OPRPN: variants seen among roughly 807,000 people sequenced by gnomAD.
OPRPN encodes the protein opiorphin prepropeptide, also known as basic proline-rich lacrimal protein.
A neutral mutation model predicts 2.2 loss-of-function variants in OPRPN; 1 was observed. The ratio of observed to expected loss-of-function variants is 0.45; its 90% confidence interval spans 0.16 to 2.15. OPRPN has a LOEUF of 2.15. Ranked by LOEUF, OPRPN falls within the 30% of genes most tolerant of loss-of-function variation. OPRPN has a pLI of 0.28. For missense variants in OPRPN, 306 were observed against 297.3 expected, an observed-to-expected ratio of 1.03 and a Z score of -0.21; for synonymous variants, 126 against 111.5, an observed-to-expected ratio of 1.13 and a Z score of -0.82.
At position 70,406,730 on chromosome 4, in the gene OPRPN, T is replaced by C. The variant is rs187533961; in HGVS notation, c.52-2650T>C. On this transcript the variant is annotated intron_variant, in intron 2 of 2. Transcript: ENST00000399575. Reference sequence around the variant, plus strand: ...GTGAGGATAAAGAAGTGGCAAAAGATGAGATTGGATGGCGGTATAGGCTTT... The same window carrying C: ...GTGAGGATAAAGAAGTGGCAAAAGACGAGATTGGATGGCGGTATAGGCTTT... Among the ~76,000 whole-genome samples, 86 of 152,162 alleles carry C rather than the reference T, an allele frequency of 5.7e-4. 1 individual carries two copies. The highest frequency in any genetic ancestry group is 1.9e-3 in the African/African-American group (80 of 41,546).
At chr4:70,409,283 A>G in intron 2 of OPRPN, 97 bp from the exon 3 acceptor site, 1 of 892,094 alleles carries the variant, frequency 1.1e-6, no homozygotes, top group Non-Finnish European at 1.7e-6. Flanking sequence ...TAATGTTTAC[A>G]TAGTAGATAT....
At chr4:70,398,337 T>C (rs1446150324) in intron 1 of OPRPN, among the ~76,000 whole-genome samples, 2 of 151,922 alleles carry the variant, frequency 1.3e-5, no homozygotes, top group Non-Finnish European at 2.9e-5. Context: ...AGTAGAAGAG[T>C]CTTAAAAAGG....
intron 2 of OPRPN, among the ~76,000 whole-genome samples, chr4:70,400,498 C>A (rs1377174924): frequency 6.6e-6 from 1 of 151,850 alleles, no homozygotes; most frequent in Non-Finnish European, 1.5e-5. Flanking sequence ...ATCAGAAACA[C>A]CTGATCCACT....
intron 1 of OPRPN, 45 bp from the exon 2 acceptor site, chr4:70,399,226 T>C: frequency 7.0e-7 from 1 of 1,420,490 alleles, no homozygotes; most frequent in Non-Finnish European, 9.7e-7. Flanking sequence ...AAAAACACTG[T>C]TGATCGATTT....
intron 2 of OPRPN, among the ~76,000 whole-genome samples, chr4:70,405,140 T>C (rs1335600484): frequency 6.6e-6 from 1 of 152,216 alleles, no homozygotes; most frequent in Non-Finnish European, 1.5e-5. Flanking sequence ...GCCAATTCTC[T>C]ATTCTGTTTC....
At chr4:70,406,880 G>A (rs1440812170) in intron 2 of OPRPN, among the ~76,000 whole-genome samples, 1 of 151,930 alleles carries the variant, frequency 6.6e-6, no homozygotes, top group Non-Finnish European at 1.5e-5. Context: ...TTTCCTTAAA[G>A]GAAGGAAACA....
chr4:70,402,825 C>G (rs941158806), intron 2 of OPRPN, among the ~76,000 whole-genome samples: 6 of 151,668 alleles, frequency 4.0e-5, no homozygotes, highest in Non-Finnish European at 7.4e-5. Context: ...GGTACACTTG[C>G]CTAGTGTGAA....
intron 2 of OPRPN, among the ~76,000 whole-genome samples, chr4:70,402,114 A>G (rs1299565542): frequency 6.6e-6 from 1 of 152,160 alleles, no homozygotes; most frequent in African/African-American, 2.4e-5. Context: ...GATATCAAAT[A>G]ACCGAAGACA....
At chr4:70,399,221 C>A in intron 1 of OPRPN, 50 bp from the exon 2 acceptor site, 1 of 1,373,330 alleles carries the variant, frequency 7.3e-7, no homozygotes, top group Non-Finnish European at 1.0e-6. Context: ...TTCTGAAAAA[C>A]ACTGTTGATC....
intron 2 of OPRPN, among the ~76,000 whole-genome samples, chr4:70,402,858 G>A (rs1284152618): frequency 6.6e-6 from 1 of 152,020 alleles, no homozygotes; most frequent in Admixed American, 6.6e-5. Context: ...TAGCATGGCT[G>A]GTAGAGAGTG....
rs763449432 is a variant in OPRPN, at chr4:70,399,250, TA to T, written c.-15-19del. 8 of 1,554,156 alleles carry T rather than the reference TA, an allele frequency of 5.1e-6. No individual in the cohort carries two copies. In the East Asian group the frequency reaches 1.8e-4, roughly 35 times the overall value. On this transcript the variant is annotated intron_variant, in intron 1 of 2. Transcript: ENST00000399575. ...GTTGATCGATTTGGCTAACTGTGGA[TA>T]ATCTTTGGCCTGTTTGTAGGAGCAA...
chr4:70,407,861 A>G (rs774464406), intron 2 of OPRPN, among the ~76,000 whole-genome samples: 11 of 152,182 alleles, frequency 7.2e-5, no homozygotes, highest in Non-Finnish European at 1.3e-4. Context: ...GATATTTATG[A>G]GTTTTATAGG....
At chr4:70,398,954 T>C (rs1732915888) in intron 1 of OPRPN, among the ~76,000 whole-genome samples, 2 of 151,904 alleles carry the variant, frequency 1.3e-5, no homozygotes, top group South Asian at 2.1e-4. Flanking sequence ...GTAGTTATGT[T>C]CCAAAGTAGT....
chr4:70,399,470 C>G (rs1401750199), intron 2 of OPRPN, 134 bp downstream of exon 2: 1 of 692,318 alleles, frequency 1.4e-6, no homozygotes, highest in Admixed American at 2.8e-5. Context: ...TGGACTTGCT[C>G]TTACTTTCCT....
Position 70,409,897 on chromosome 4 carries a change from C to A in OPRPN, c.569C>A (p.Thr190Asn). The A allele has an allele frequency of 6.2e-7, 1 of 1,613,994 alleles. No homozygotes were observed. The highest frequency in any genetic ancestry group is 8.5e-7 in the Non-Finnish European group (1 of 1,179,992). ...ATCTCTTCAACACCAGAGCCTGCCA[C>A]CTCCATATCAGCAGCAACCCCCGCA... is the stretch of plus-strand genomic sequence containing the variant. The part of the protein sequence containing the change: ...VPISSTPEPA[T>N]SISAATPAAS... Residue 190 changes from threonine (T) to asparagine (N), a missense_variant, in exon 3 of 3, where the codon ACC becomes AAC. By Grantham distance (65) the Thr-to-Asn change is moderately conservative (BLOSUM62 0). Coordinates refer to ENST00000399575, the MANE Select transcript of OPRPN (RefSeq NM_021225.5).
chr4:70,407,932 G>A (rs1370522550), intron 2 of OPRPN, among the ~76,000 whole-genome samples: 1 of 152,144 alleles, frequency 6.6e-6, no homozygotes, highest in Non-Finnish European at 1.5e-5. Flanking sequence ...TGAATTAGAA[G>A]GCAAGATCAT....
Position 70,403,195 on chromosome 4 carries a change from G to A in OPRPN, c.51+3859G>A, listed in dbSNP as rs191238377. ...CTCTAACTTCAAGGGGTATATGACT[G>A]TCAGAGGATACAAGATAGATTGGTA... On this transcript the variant is annotated intron_variant, in intron 2 of 2. Coordinates refer to ENST00000399575, the MANE Select transcript of OPRPN (RefSeq NM_021225.5). Among the ~76,000 whole-genome samples the A allele has an allele frequency of 2.6e-5, 4 of 152,296 alleles. No individual in the cohort carries two copies. The East Asian group carries it at 7.7e-4, about 29-fold the overall frequency.
chr4:70,398,710 T>A (rs1323579797), intron 1 of OPRPN, among the ~76,000 whole-genome samples: 1 of 151,900 alleles, frequency 6.6e-6, no homozygotes, highest in African/African-American at 2.4e-5. Flanking sequence ...TGGAATAACT[T>A]GGAAAAAAAT....
chr4:70,400,131 G>C (rs1287280152), intron 2 of OPRPN, among the ~76,000 whole-genome samples: 1 of 151,902 alleles, frequency 6.6e-6, no homozygotes, highest in Non-Finnish European at 1.5e-5. Context: ...TGCGAGGAGA[G>C]AAAGAGCCCT....
Sources: allele counts gnomAD v4.1 joint callset (sites outside exome capture counted in the v4.1 genomes callset), GRCh38; gene constraint gnomAD v4.1.1; transcripts MANE v1.5; gene names NCBI Gene and HGNC (gene_info 2026-07-23, HGNC 2026-07-21).